The following PRKN variants were observed in gnomAD, a reference collection of about 807,000 sequenced individuals.
PRKN encodes E3 ubiquitin-protein ligase parkin.
In PRKN, 56 loss-of-function variants were observed where a neutral mutation model predicts 59.5. The ratio of observed to expected loss-of-function variants is 0.94; its 90% CI spans 0.76 to 1.18. The LOEUF (loss-of-function observed/expected upper bound fraction) is 1.18. Among genes scored for constraint, PRKN ranks in the 50% most tolerant of loss-of-function variants. PRKN has a pLI of 0.00. For missense variants in PRKN, 657 were observed against 596.4 expected, an observed-to-expected ratio of 1.10 and a Z score of -1.06; for synonymous variants, 250 against 222.1, an observed-to-expected ratio of 1.13 and a Z score of -1.12.
chr6:161,360,315 C>A lies in PRKN; in HGVS notation c.1168-110G>T. The A allele has an allele frequency of 1.1e-6, 1 of 875,666 alleles. No individual in the cohort carries two copies. Among genetic ancestry groups the A allele is most frequent in the Non-Finnish European group, 1.9e-6 (1 of 513,024 alleles). The allele number at this position is 875,666 out of a possible 1,614,324, so 54.2% of individuals were successfully genotyped here. On this transcript the variant is annotated intron_variant, in intron 10 of 11. Transcript: ENST00000366898. The surrounding 1 kb of genome is among the most constrained non-coding windows in gnomAD (Gnocchi z 5.1). ...AAATTCTTGAAGACAGGAGTGCCTT[C>A]GGGCAAGAAGCCTAAATATCAATGC... is the stretch of plus-strand genomic sequence containing the variant.
intron 7 of PRKN, among the ~76,000 whole-genome samples, chr6:161,709,065 T>TA (rs1173248599): frequency 1.3e-5 from 2 of 152,338 alleles, no homozygotes; most frequent in South Asian, 2.1e-4. Context: ...TTTAAAGAGT[T>TA]AAATATGACT....
At chr6:161,885,528 G>A (rs927658341) in intron 6 of PRKN, among the ~76,000 whole-genome samples, 5 of 152,036 alleles carry the variant, frequency 3.3e-5, no homozygotes, top group African/African-American at 9.7e-5. Context: ...AGCCAGGCGT[G>A]GTGGCGGGCC....
intron 1 of PRKN, among the ~76,000 whole-genome samples, chr6:162,689,856 T>C (rs957371955): frequency 1.3e-5 from 2 of 152,168 alleles, no homozygotes; most frequent in African/African-American, 2.4e-5. Context: ...CTGCATGCCC[T>C]GCTTAAAGAA....
At chr6:162,422,954 CAAAAA>C (rs61557917) in intron 2 of PRKN, among the ~76,000 whole-genome samples, 8 of 65,700 alleles carry the variant, frequency 1.2e-4, no homozygotes, top group South Asian at 8.3e-4. Context: ...TCCAAGAGAC[CAAAAA>C]AAAAAAAAAA....
At chr6:161,784,138 G>A (rs1473601770) in intron 7 of PRKN, among the ~76,000 whole-genome samples, 1 of 152,110 alleles carries the variant, frequency 6.6e-6, no homozygotes, top group East Asian at 1.9e-4. Flanking sequence ...TTCACTCCAG[G>A]TACATAAATT....
chr6:162,179,745 G>C (rs906538488), intron 4 of PRKN, among the ~76,000 whole-genome samples: 2 of 152,144 alleles, frequency 1.3e-5, no homozygotes, highest in African/African-American at 2.4e-5. Context: ...TAGTTCCCTA[G>C]AGTTGCCACT....
chr6:161,528,539 T>C (rs1158153424), intron 9 of PRKN, among the ~76,000 whole-genome samples: 20 of 152,194 alleles, frequency 1.3e-4, no homozygotes, highest in Non-Finnish European at 5.9e-5. Flanking sequence ...GGCAGGGTCT[T>C]TCTCAACTGT....
At chr6:161,779,434 T>TCTTTCC (rs1790098998) in intron 7 of PRKN, among the ~76,000 whole-genome samples, 2 of 96,600 alleles carry the variant, frequency 2.1e-5, no homozygotes, top group Non-Finnish European at 4.1e-5. Context: ...CTTTTTCTTT[T>TCTTTCC]CTTTTCTTTT....
intron 9 of PRKN, among the ~76,000 whole-genome samples, chr6:161,465,336 C>T (rs920205630): frequency 6.6e-6 from 1 of 152,174 alleles, no homozygotes; most frequent in Non-Finnish European, 1.5e-5. Context: ...TGATGTTCCT[C>T]ATTCCTTCGT....
chr6:161,572,441 C>T (rs1279331630), intron 7 of PRKN, among the ~76,000 whole-genome samples: 2 of 152,056 alleles, frequency 1.3e-5, no homozygotes, highest in Non-Finnish European at 2.9e-5. Flanking sequence ...GCAGGAGGAT[C>T]ACAAGGTCAG....
intron 6 of PRKN, among the ~76,000 whole-genome samples, chr6:161,857,743 T>G (rs1253740257): frequency 6.6e-6 from 1 of 152,244 alleles, no homozygotes; most frequent in Admixed American, 6.5e-5. Flanking sequence ...ATACGTAGCA[T>G]GATTTCTCCT....
intron 6 of PRKN, among the ~76,000 whole-genome samples, chr6:161,933,735 C>T (rs113459850): frequency 0.06 from 8,954 of 150,272 alleles, 326 homozygotes; most frequent in Middle Eastern, 0.1. Flanking sequence ...GTCTGTCTGT[C>T]CTACAATGTA....
At position 161,444,386 on chromosome 6, in the gene PRKN, C is replaced by T. The variant is rs933392270; in HGVS notation, c.1084-57509G>A. Reference sequence around the variant, plus strand: ...TAGCCAAAGCATCCCCACCACCTTCCTCCAGGAATGTGTATGTCTGTGTGA... The same window carrying T: ...TAGCCAAAGCATCCCCACCACCTTCTTCCAGGAATGTGTATGTCTGTGTGA... On this transcript the variant is annotated intron_variant, in intron 9 of 11. Transcript: ENST00000366898. The surrounding 1 kb of genome is among the most constrained non-coding windows in gnomAD (Gnocchi z 5.6). Among the ~76,000 whole-genome samples the T allele has an allele frequency of 1.3e-5, 2 of 152,232 alleles. No individual in the cohort carries two copies. The highest frequency in any genetic ancestry group is 1.9e-4 in the East Asian group (1 of 5,202).
At chr6:161,651,429 G>A (rs1191874196) in intron 7 of PRKN, among the ~76,000 whole-genome samples, 1 of 152,104 alleles carries the variant, frequency 6.6e-6, no homozygotes, top group Non-Finnish European at 1.5e-5. Flanking sequence ...GGGAGCAGAG[G>A]GTCTGCATTT....
intron 5 of PRKN, among the ~76,000 whole-genome samples, chr6:161,978,538 A>G (rs1487016298): frequency 6.6e-6 from 1 of 152,250 alleles, no homozygotes; most frequent in African/African-American, 2.4e-5. Flanking sequence ...CATCTCACAG[A>G]CAGTGGCATG....
chr6:161,629,301 C>A (rs968703373), intron 7 of PRKN, among the ~76,000 whole-genome samples: 1 of 152,222 alleles, frequency 6.6e-6, no homozygotes, highest in African/African-American at 2.4e-5. Flanking sequence ...ACGCTCTCAG[C>A]CAGCAGAATC....
chr6:161,517,982 A>G (rs1405030546), intron 9 of PRKN, among the ~76,000 whole-genome samples: 3 of 152,224 alleles, frequency 2.0e-5, no homozygotes, highest in Non-Finnish European at 4.4e-5. Context: ...TAAAGCACAC[A>G]TGAAATCAAG....
At chr6:161,901,083 T>C (rs6917019) in intron 6 of PRKN, among the ~76,000 whole-genome samples, 40,980 of 150,994 alleles carry the variant, frequency 0.27, 5,728 homozygotes, top group Middle Eastern at 0.34. Flanking sequence ...GCCCGGCTAA[T>C]TTTTTTGTAT....
At chr6:162,291,201 G>A (rs1415820755) in intron 2 of PRKN, among the ~76,000 whole-genome samples, 1 of 152,060 alleles carries the variant, frequency 6.6e-6, no homozygotes, top group Non-Finnish European at 1.5e-5. Context: ...AGAAACTCAT[G>A]GTGACCTCTG....
Sources: gnomAD v4.1 joint callset for allele counts (sites outside exome capture counted in the v4.1 genomes callset) on GRCh38, gnomAD v4.1.1 for gene constraint, Gnocchi (gnomAD v3.1) non-coding constraint, MANE v1.5 for transcripts, NCBI Gene and HGNC (gene_info 2026-07-23, HGNC 2026-07-21) for gene names.